Variants in CPSF3 observed in about 807,000 individuals in gnomAD.
CPSF3 encodes the protein cleavage and polyadenylation specific factor 3, also known as cleavage and polyadenylation specificity factor subunit 3.
A neutral mutation model predicts 84.1 loss-of-function variants in CPSF3; 57 were observed. The observed-to-expected ratio is 0.68, with a 90% CI of 0.55 to 0.85. CPSF3 has a LOEUF of 0.85. Ranked by LOEUF, CPSF3 falls within the 40% of genes least tolerant of loss-of-function variation. The pLI is 0.00. For missense variants in CPSF3, 522 were observed against 838.8 expected (o/e 0.62, Z 4.66); for synonymous variants, 275 against 278.1 (o/e 0.99, Z 0.11).
In CPSF3 at chr2:9,473,005, G is replaced by A; in HGVS notation, c.2043G>A (p.Thr681=). The change falls in exon 18 of 18, where the codon ACG becomes ACA. Residue 681 remains threonine, a synonymous_variant. Transcript: ENST00000238112. ...CACAGAGACTGTACGAGGCCCTGAC[G>A]CCAGTTCACTGAGACTGTGCCTGTA... The part of the protein sequence containing the change: ...LAAQRLYEAL[T]PVH 3 of 1,612,260 alleles carry A rather than the reference G, an allele frequency of 1.9e-6. No individual in the cohort carries two copies. Among genetic ancestry groups the A allele is most frequent in the Non-Finnish European group, 2.5e-6 (3 of 1,178,634 alleles).
At chr2:9,439,762 A>T (rs1314026475) in intron 7 of CPSF3, among the ~76,000 whole-genome samples, 4 of 152,066 alleles carry the variant, frequency 2.6e-5, no homozygotes, top group Admixed American at 2.6e-4. Context: ...GCTGGGCAGG[A>T]GGATCACTTA....
At chr2:9,469,979 C>G (rs767775848) in intron 16 of CPSF3, among the ~76,000 whole-genome samples, 1 of 152,122 alleles carries the variant, frequency 6.6e-6, no homozygotes, top group African/African-American at 2.4e-5. Flanking sequence ...TTTGGGAAGC[C>G]AAGGCAGGTG....
chr2:9,470,800 A>T (rs959831850), intron 16 of CPSF3, among the ~76,000 whole-genome samples: 1 of 152,222 alleles, frequency 6.6e-6, no homozygotes, highest in African/African-American at 2.4e-5. Context: ...GGTTAAGATA[A>T]TGTATATAAA....
intron 15 of CPSF3, among the ~76,000 whole-genome samples, chr2:9,466,360 ACACGCACACACCCACG>A (rs1223601751): frequency 1.4e-5 from 2 of 145,708 alleles, no homozygotes; most frequent in Non-Finnish European, 3.0e-5. Flanking sequence ...GCGCACACAC[ACACGCACACACCCACG>A]CACTCGCACA....
Position 9,426,069 on chromosome 2 carries a change from T to A in CPSF3, c.50+2246T>A, listed in dbSNP as rs566149844. Among the ~76,000 whole-genome samples the A allele has an allele frequency of 9.2e-5, 14 of 152,248 alleles. No individual in the cohort carries two copies. In the South Asian group the frequency reaches 2.1e-3, roughly 23 times the overall value. ...CTTTCCAAGGTTCAAAATTGAGGAG[T>A]TTTGTTCATTCAATAAGTATTTTTT... On this transcript the variant is annotated intron_variant, in intron 1 of 17. Transcript: ENST00000238112.
chr2:9,467,594 T>C (rs1437907277), intron 15 of CPSF3, 113 bp from the exon 16 acceptor site: 1 of 664,356 alleles, frequency 1.5e-6, no homozygotes, highest in African/African-American at 1.8e-5. Context: ...ACTTTAAGGA[T>C]TCCATAGTTA....
intron 11 of CPSF3, among the ~76,000 whole-genome samples, chr2:9,450,317 A>G (rs922843444): frequency 5.9e-5 from 9 of 151,718 alleles, no homozygotes; most frequent in African/African-American, 2.2e-4. Flanking sequence ...ACGCCCGGCT[A>G]ATTTTTTTTG....
chr2:9,469,056 C>T (rs930915164), intron 16 of CPSF3, among the ~76,000 whole-genome samples: 2 of 152,102 alleles, frequency 1.3e-5, no homozygotes, highest in African/African-American at 4.8e-5. Flanking sequence ...AAGAGCATTC[C>T]TCATACAAAA....
chr2:9,460,321 C>T (rs577042960), intron 15 of CPSF3, among the ~76,000 whole-genome samples: 9 of 152,114 alleles, frequency 5.9e-5, no homozygotes, highest in Admixed American at 1.3e-4. Context: ...CCCAGCTACT[C>T]GGGAGGCTGA....
chr2:9,446,416 T>C (rs1399715782), intron 10 of CPSF3, among the ~76,000 whole-genome samples: 5 of 151,750 alleles, frequency 3.3e-5, no homozygotes, highest in Non-Finnish European at 7.4e-5. Context: ...CCGTCTCTAC[T>C]AAAAATACAA....
intron 15 of CPSF3, among the ~76,000 whole-genome samples, chr2:9,467,047 A>G (rs1682004412): frequency 6.6e-6 from 1 of 152,190 alleles, no homozygotes. Flanking sequence ...ACTAGGTCAA[A>G]TGCTCACTGT....
chr2:9,461,455 G>C (rs192874880), intron 15 of CPSF3, among the ~76,000 whole-genome samples: 112 of 152,164 alleles, frequency 7.4e-4, no homozygotes, highest in Non-Finnish European at 1.5e-5. Context: ...TTAAGGTCAG[G>C]AGTCTGAGAC....
intron 15 of CPSF3, among the ~76,000 whole-genome samples, chr2:9,462,042 C>T (rs1348313624): frequency 6.6e-6 from 1 of 152,042 alleles, no homozygotes; most frequent in Non-Finnish European, 1.5e-5. Flanking sequence ...TTACAGGCTT[C>T]AGCCACCGTG....
At chr2:9,441,759 G>C in intron 8 of CPSF3, 59 bp from the exon 9 acceptor site, 2 of 1,541,590 alleles carry the variant, frequency 1.3e-6, no homozygotes, top group Non-Finnish European at 1.8e-6. Context: ...TAAAAAGAAA[G>C]AATGCTTTGT....
At chr2:9,452,018 A>G (rs903155082) in intron 11 of CPSF3, among the ~76,000 whole-genome samples, 2 of 152,156 alleles carry the variant, frequency 1.3e-5, no homozygotes, top group African/African-American at 4.8e-5. Flanking sequence ...GCCCGGCCAT[A>G]AATGAAACTT....
At chr2:9,438,948 CAAATTATTT>C (rs1202106658) in intron 7 of CPSF3, among the ~76,000 whole-genome samples, 6 of 152,042 alleles carry the variant, frequency 3.9e-5, no homozygotes, top group African/African-American at 1.4e-4. Context: ...TGACCTTGGG[CAAATTATTT>C]AACTTTTTTT....
intron 9 of CPSF3, among the ~76,000 whole-genome samples, chr2:9,442,854 AAAAAAAAAAG>A (rs1214419116): frequency 6.8e-6 from 1 of 146,118 alleles, no homozygotes; most frequent in African/African-American, 2.5e-5. Context: ...CTCCATCTCC[AAAAAAAAAAG>A]AAAAAAAAAA....
chr2:9,432,877 T>G (rs1680641656), intron 5 of CPSF3, among the ~76,000 whole-genome samples, 189 bp downstream of exon 5: 1 of 152,158 alleles, frequency 6.6e-6, no homozygotes, highest in African/African-American at 2.4e-5. Flanking sequence ...CAATACTTTC[T>G]TTATCAAGAC....
chr2:9,445,220 A>C (rs1343140666), intron 10 of CPSF3, among the ~76,000 whole-genome samples: 2 of 152,100 alleles, frequency 1.3e-5, no homozygotes, highest in Non-Finnish European at 2.9e-5. Context: ...GAATTTGACT[A>C]TTCTAGGTAT....
Sources: allele counts gnomAD v4.1 joint callset (sites outside exome capture counted in the v4.1 genomes callset), GRCh38; gene constraint gnomAD v4.1.1; transcripts MANE v1.5; gene names NCBI Gene and HGNC (gene_info 2026-07-23, HGNC 2026-07-21).